The following FBXL13 variants were observed in gnomAD, a reference collection of about 807,000 sequenced individuals.
FBXL13 encodes F-box and leucine rich repeat protein 13, also known as F-box and leucine-rich repeat protein 13.
In FBXL13, 67 loss-of-function variants were observed where a neutral mutation model predicts 83.6. The observed-to-expected ratio is 0.80, with a 90% confidence interval of 0.66 to 0.98. FBXL13 has a LOEUF of 0.98. Among genes scored for constraint, FBXL13 ranks in the 50% least tolerant of loss-of-function variants. FBXL13 has a pLI of 0.00. For missense variants in FBXL13, 822 were observed against 866.5 expected (o/e 0.95, Z 0.64); for synonymous variants, 272 against 299.5 (o/e 0.91, Z 0.95).
chr7:103,026,229 C>T (rs1793897074), intron 5 of FBXL13, among the ~76,000 whole-genome samples: 1 of 151,906 alleles, frequency 6.6e-6, no homozygotes, highest in Non-Finnish European at 1.5e-5. Flanking sequence ...TCCTCCACCT[C>T]AAGGGTTCAA....
At chr7:102,973,886 G>C (rs1827093787) in intron 6 of FBXL13, 1 of 683,542 alleles carries the variant, frequency 1.5e-6, no homozygotes, top group Non-Finnish European at 2.6e-6. Context: ...CCAGGTACTT[G>C]CTGATCATCT....
chr7:103,028,468 T>C, intron 4 of FBXL13, 132 bp downstream of exon 5: 1 of 559,738 alleles, frequency 1.8e-6, no homozygotes, highest in South Asian at 5.0e-5. Flanking sequence ...CAGCTCTACC[T>C]TCATTTCATG....
At chr7:103,045,557 G>GGA (rs1796188747) in intron 2 of FBXL13, among the ~76,000 whole-genome samples, 1 of 152,140 alleles carries the variant, frequency 6.6e-6, no homozygotes, top group Admixed American at 6.5e-5. Flanking sequence ...ATGAGTAGAG[G>GGA]GACCCTTTAT....
Position 103,048,650 on chromosome 7 carries a change from G to A in FBXL13, c.-1+6994C>T, listed in dbSNP as rs998908058. Among the ~76,000 whole-genome samples the A allele has an allele frequency of 5.9e-5, 9 of 152,092 alleles. No individual in the cohort carries two copies. The South Asian group carries it at 1.9e-3, about 32-fold the overall frequency. On this transcript the variant is annotated intron_variant, in intron 2 of 19. Coordinates refer to ENST00000313221, the Ensembl canonical transcript of FBXL13. ...CTTTACCAATTTTTATTAAAGAGCA[G>A]ATTAGTGCTTTAAGAAAACCCTATT...
downstream of FBXL13, among the ~76,000 whole-genome samples, chr7:102,812,928 C>T (rs1029374832): frequency 6.6e-6 from 1 of 151,134 alleles, no homozygotes; most frequent in African/African-American, 2.4e-5. Flanking sequence ...CTGCAACCTC[C>T]GCCTCTCAGG....
At position 102,983,729 on chromosome 7, in the gene FBXL13, A is replaced by G. The variant is rs1828577406; in HGVS notation, c.496-15612T>C. ...AGCCACCGCACCCAGCAAGAAACCC[A>G]TTCTTTCCCAGTCAACGCCTTCACT... is the stretch of plus-strand genomic sequence containing the variant. On this transcript the variant is annotated intron_variant, in intron 6 of 19. Coordinates refer to ENST00000313221, the Ensembl canonical transcript of FBXL13. Among the ~76,000 whole-genome samples, 9 of 152,172 alleles carry G rather than the reference A, an allele frequency of 5.9e-5. No homozygotes were observed. In the South Asian group the frequency reaches 1.9e-3, roughly 32 times the overall value.
intron 6 of FBXL13, among the ~76,000 whole-genome samples, chr7:103,006,419 T>G (rs1369025891): frequency 6.6e-6 from 1 of 152,158 alleles, no homozygotes. Flanking sequence ...TCATACAGGA[T>G]TGAGAAATTT....
At chr7:102,822,951 A>G (rs889066272) in intron 18 of FBXL13, among the ~76,000 whole-genome samples, 1 of 152,126 alleles carries the variant, frequency 6.6e-6, no homozygotes, top group African/African-American at 2.4e-5. Context: ...AGTCCCAGCT[A>G]CTTGGGAGGC....
intron 17 of FBXL13, among the ~76,000 whole-genome samples, chr7:102,848,273 G>GTGTGTACGGATATTATATA (rs1299866637): frequency 1.7e-5 from 2 of 116,170 alleles, no homozygotes; most frequent in Admixed American, 7.7e-5. Context: ...ATACACATTC[G>GTGTGTACGGATATTATATA]AGGCCGGGCG....
intron 8 of FBXL13, among the ~76,000 whole-genome samples, chr7:102,953,988 C>G (rs954818583): frequency 1.3e-5 from 2 of 152,114 alleles, no homozygotes; most frequent in Non-Finnish European, 2.9e-5. Context: ...AGGAACAGCT[C>G]CGGTCTGCAG....
chr7:102,978,641 T>C (rs1827810210), intron 6 of FBXL13: 1 of 222,904 alleles, frequency 4.5e-6, no homozygotes. Flanking sequence ...TGCACCCAGG[T>C]ACTCATTAAA....
intron 6 of FBXL13, among the ~76,000 whole-genome samples, chr7:103,020,006 G>C (rs1230056047): frequency 6.6e-6 from 1 of 152,106 alleles, no homozygotes; most frequent in African/African-American, 2.4e-5. Context: ...CGAAAGCCTG[G>C]CAGAGACACA....
At chr7:103,065,375 C>A (rs1447768890) in intron 1 of FBXL13, among the ~76,000 whole-genome samples, 1 of 152,050 alleles carries the variant, frequency 6.6e-6, no homozygotes, top group Non-Finnish European at 1.5e-5. Flanking sequence ...ATTTCAAATG[C>A]ATAAATCTTA....
At chr7:103,001,122 T>TA (rs1790358415) in intron 6 of FBXL13, among the ~76,000 whole-genome samples, 6 of 151,066 alleles carry the variant, frequency 4.0e-5, no homozygotes, top group African/African-American at 9.8e-5. Flanking sequence ...ATATATATAT[T>TA]TTTTTTTGAT....
At chr7:102,861,904 C>A (rs767225957) in intron 16 of FBXL13, among the ~76,000 whole-genome samples, 1 of 150,438 alleles carries the variant, frequency 6.6e-6, no homozygotes, top group Non-Finnish European at 1.5e-5. Flanking sequence ...ATCGCTTTAA[C>A]CCAGGAGGCA....
intron 18 of FBXL13, among the ~76,000 whole-genome samples, chr7:102,825,665 T>C (rs1451404020): frequency 2.0e-5 from 3 of 152,274 alleles, no homozygotes; most frequent in East Asian, 1.9e-4. Context: ...CTATCTACAA[T>C]ATAAGGACCA....
At chr7:103,071,251 C>T (rs963669194) in intron 1 of FBXL13, among the ~76,000 whole-genome samples, 2 of 151,618 alleles carry the variant, frequency 1.3e-5, no homozygotes, top group Admixed American at 1.3e-4. Context: ...GATTGGAGTT[C>T]CAAAAGGAAA....
At chr7:103,069,902 C>T (rs972588596) in intron 1 of FBXL13, among the ~76,000 whole-genome samples, 1 of 151,992 alleles carries the variant, frequency 6.6e-6, no homozygotes, top group Non-Finnish European at 1.5e-5. Flanking sequence ...CACGGTGAAA[C>T]CCCGTCTCTA....
intron 6 of FBXL13, among the ~76,000 whole-genome samples, chr7:102,985,595 C>T (rs1386994036): frequency 6.6e-6 from 1 of 152,104 alleles, no homozygotes; most frequent in African/African-American, 2.4e-5. Context: ...TTCCATAGAG[C>T]TGGAAGACAT....
Sources: gnomAD v4.1 joint callset for allele counts (sites outside exome capture counted in the v4.1 genomes callset) on GRCh38, gnomAD v4.1.1 for gene constraint, MANE v1.5 for transcripts, NCBI Gene and HGNC (gene_info 2026-07-23, HGNC 2026-07-21) for gene names.